The following FAM162A variants were observed in gnomAD, a reference collection of about 807,000 sequenced individuals.
FAM162A encodes the protein family with sequence similarity 162 member A.
A neutral mutation model predicts 21.8 loss-of-function variants in FAM162A; 23 were observed. That is an observed-to-expected ratio of 1.05 (90% confidence interval 0.76 to 1.49). The LOEUF is 1.49. Ranked by LOEUF, FAM162A falls within the 40% of genes most tolerant of loss-of-function variation. FAM162A has a pLI of 0.00. For missense variants in FAM162A, 165 were observed against 186.4 expected (o/e 0.89, Z 0.67); for synonymous variants, 53 against 61.3 (o/e 0.86, Z 0.64).
intron 1 of FAM162A, among the ~76,000 whole-genome samples, chr3:122,400,427 G>A (rs905165645): frequency 2.6e-5 from 4 of 152,100 alleles, no homozygotes; most frequent in Non-Finnish European, 4.4e-5. Flanking sequence ...TGTAGATGAC[G>A]AGTTGATGGG....
In FAM162A at chr3:122,410,551, C is replaced by T. The variant is rs2075700274; in HGVS notation, c.*720C>T. 1 of 152,328 alleles carries T rather than the reference C, an allele frequency of 6.6e-6. No homozygotes were observed. The highest frequency in any genetic ancestry group is 2.4e-5 in the African/African-American group (1 of 41,416). 9.4% of individuals were successfully genotyped at this position (152,328 alleles called of 1,614,324 possible). On this transcript the variant is annotated 3_prime_UTR_variant, in exon 5 of 5. Transcript: ENST00000477892. ...GTATTATTACTGTTAGAAGTATTTG[C>T]ACCTCATATATATCTCATTTACAGT... is the stretch of plus-strand genomic sequence containing the variant.
chr3:122,398,147 C>T (rs1288708507), intron 1 of FAM162A, among the ~76,000 whole-genome samples: 1 of 152,118 alleles, frequency 6.6e-6, no homozygotes, highest in African/African-American at 2.4e-5. Context: ...TTAAAACTGG[C>T]AAATAAAGGG....
At chr3:122,393,670 T>C (rs570533671) in intron 1 of FAM162A, among the ~76,000 whole-genome samples, 1 of 152,286 alleles carries the variant, frequency 6.6e-6, no homozygotes, top group Non-Finnish European at 1.5e-5. Context: ...CCCTGGTGCA[T>C]TTGTTGAAAA....
chr3:122,386,031 T>C (rs1003103965), intron 1 of FAM162A, among the ~76,000 whole-genome samples: 2 of 152,196 alleles, frequency 1.3e-5, no homozygotes, highest in Non-Finnish European at 2.9e-5. Flanking sequence ...AGGGTACCCT[T>C]TAATTCTGGA....
chr3:122,409,842 C>G lies in FAM162A; in HGVS notation c.*11C>G, dbSNP rs116026640. The G allele has an allele frequency of 6.2e-7, 1 of 1,610,554 alleles. No homozygotes were observed. The highest frequency in any genetic ancestry group is 8.5e-7 in the Non-Finnish European group (1 of 1,176,844). ...GCCAAAACAGAGTAGCAGAGGTATC[C>G]GTGTTGGCTGGATTTTGAAAATCCA... On this transcript the variant is annotated 3_prime_UTR_variant, in exon 5 of 5. Coordinates refer to ENST00000477892, the MANE Select transcript of FAM162A (RefSeq NM_014367.4).
intron 1 of FAM162A, among the ~76,000 whole-genome samples, chr3:122,389,962 C>T (rs1399285230): frequency 1.3e-5 from 2 of 151,998 alleles, no homozygotes; most frequent in Admixed American, 6.6e-5. Context: ...TAGTGAGACC[C>T]GATCTCTACA....
At chr3:122,399,946 A>G (rs2107699008) in intron 1 of FAM162A, among the ~76,000 whole-genome samples, 1 of 152,292 alleles carries the variant, frequency 6.6e-6, no homozygotes, top group Non-Finnish European at 1.5e-5. Context: ...TCTACTAAAA[A>G]TACAGAAATT....
chr3:122,389,078 A>G (rs2075587649), intron 1 of FAM162A, among the ~76,000 whole-genome samples: 1 of 152,114 alleles, frequency 6.6e-6, no homozygotes, highest in Non-Finnish European at 1.5e-5. Context: ...TCATATGACT[A>G]GAAAGAGGTC....
At chr3:122,394,314 C>G (rs1211007210) in intron 1 of FAM162A, among the ~76,000 whole-genome samples, 3 of 152,180 alleles carry the variant, frequency 2.0e-5, no homozygotes. Flanking sequence ...CAAACTATAT[C>G]AGAAGGCTAA....
chr3:122,405,651 C>T (rs1330853889), intron 3 of FAM162A, among the ~76,000 whole-genome samples: 2 of 152,180 alleles, frequency 1.3e-5, no homozygotes, highest in Admixed American at 1.3e-4. Context: ...GTTCCAAGAT[C>T]CCCTCAGGCC....
chr3:122,391,159 A>G (rs1042121531), intron 1 of FAM162A, among the ~76,000 whole-genome samples: 8 of 152,212 alleles, frequency 5.3e-5, no homozygotes, highest in Non-Finnish European at 1.0e-4. Context: ...TACTTCAGAC[A>G]TTTTTTAGCG....
chr3:122,403,860 C>T lies in FAM162A; in HGVS notation c.158-398C>T, dbSNP rs2075665065. On this transcript the variant is annotated intron_variant, in intron 2 of 4. Transcript: ENST00000477892. ...CATTTGGACTTTTTGCCCACTCTAC[C>T]GTGTCCCCCTTTTCTGTCTCCATCC... 3.3e-5 allele frequency among the ~76,000 whole-genome samples: 5 copies of T among 152,154 alleles called. No homozygotes were observed. The South Asian group carries it at 1.0e-3, about 32-fold the overall frequency.
At chr3:122,401,529 A>T (rs919894456) in intron 1 of FAM162A, 2 of 1,271,714 alleles carry the variant, frequency 1.6e-6, no homozygotes, top group Non-Finnish European at 2.0e-6. Flanking sequence ...TGCCAGTGCA[A>T]TTATGAGTAA....
At chr3:122,399,560 T>C (rs1299833864) in intron 1 of FAM162A, among the ~76,000 whole-genome samples, 3 of 152,222 alleles carry the variant, frequency 2.0e-5, no homozygotes, top group African/African-American at 7.2e-5. Flanking sequence ...TTCATGTCTT[T>C]ACTGTTGTGA....
intron 1 of FAM162A, among the ~76,000 whole-genome samples, chr3:122,387,918 A>G (rs549127761): frequency 6.6e-6 from 1 of 152,258 alleles, no homozygotes; most frequent in African/African-American, 2.4e-5. Context: ...GAGCACATGT[A>G]GGGGCGGTAA....
intron 1 of FAM162A, among the ~76,000 whole-genome samples, chr3:122,391,014 A>C (rs1377511343): frequency 6.6e-6 from 1 of 152,168 alleles, no homozygotes; most frequent in Non-Finnish European, 1.5e-5. Flanking sequence ...AGAGGATGGA[A>C]AATTTCTGGC....
At chr3:122,402,019 C>A (rs2075655599) in intron 1 of FAM162A, among the ~76,000 whole-genome samples, 1 of 151,940 alleles carries the variant, frequency 6.6e-6, no homozygotes, top group Non-Finnish European at 1.5e-5. Flanking sequence ...GCTTTTGTTG[C>A]AGTTGCTTTT....
In FAM162A at chr3:122,411,836, T is replaced by C. The variant is rs952841810; in HGVS notation, c.*2005T>C. On this transcript the variant is annotated 3_prime_UTR_variant, in exon 5 of 5. Coordinates refer to ENST00000477892, the MANE Select transcript of FAM162A (RefSeq NM_014367.4). Reference sequence around the variant, plus strand: ...TCCCAAAGTGCTGGGATTACAGGCATGAGCCATGGTGCCTGGCCAAACGTT... The same window carrying C: ...TCCCAAAGTGCTGGGATTACAGGCACGAGCCATGGTGCCTGGCCAAACGTT... 1 of 152,218 alleles carries C rather than the reference T, an allele frequency of 6.6e-6. No individual in the cohort carries two copies. Among genetic ancestry groups the C allele is most frequent in the African/African-American group, 2.4e-5 (1 of 41,452 alleles). 9.4% of individuals were successfully genotyped at this position (152,218 alleles called of 1,614,324 possible).
intron 1 of FAM162A, among the ~76,000 whole-genome samples, chr3:122,393,912 G>A (rs963517757): frequency 7.2e-5 from 11 of 152,130 alleles, no homozygotes; most frequent in South Asian, 6.2e-4. Context: ...GGCCAGTCTC[G>A]CATTGCTAAA....
Sources: allele counts gnomAD v4.1 joint callset (sites outside exome capture counted in the v4.1 genomes callset), GRCh38; gene constraint gnomAD v4.1.1; transcripts MANE v1.5; gene names NCBI Gene and HGNC (gene_info 2026-07-23, HGNC 2026-07-21).